Variants in GNAO1 observed in about 807,000 individuals in gnomAD.
GNAO1 encodes guanine nucleotide-binding protein G(o) subunit alpha.
For synonymous variants in GNAO1, 164 were observed against 180.7 expected (o/e 0.91, Z 0.74); for missense variants, 166 against 478.7 (o/e 0.35, Z 6.10).
chr16:56,192,360 ACC>A lies in GNAO1; in HGVS notation c.118+8_118+9del. The A allele has an allele frequency of 6.6e-7, 1 of 1,514,914 alleles. No individual in the cohort carries two copies. The highest frequency in any genetic ancestry group is 9.2e-7 in the Non-Finnish European group (1 of 1,091,948). 93.8% of individuals were successfully genotyped at this position (1,514,914 alleles called of 1,614,324 possible). A position where few individuals can be genotyped will look rare whatever the true frequency, so the allele number is the denominator to read the frequency against. ...GTGAAATTACTCCTGCTCGGTAAGG[ACC>A]GCCGCTGCTACCCCCATCCCCCGAC... is the stretch of plus-strand genomic sequence containing the variant. On this transcript the variant is annotated splice_region_variant and intron_variant, in intron 1 of 8. Coordinates refer to ENST00000262493, the MANE Select transcript of GNAO1 (RefSeq NM_020988.3).
At chr16:56,194,398 G>C (rs544301330) in intron 2 of GNAO1, 49 of 398,388 alleles carry the variant, frequency 1.2e-4, no homozygotes, top group African/African-American at 9.3e-4. Context: ...TAAAACTTCA[G>C]AAGTCTGTAA....
intron 2 of GNAO1, among the ~76,000 whole-genome samples, chr16:56,227,663 G>A (rs1314692457): frequency 2.3e-5 from 3 of 128,574 alleles, no homozygotes; most frequent in Non-Finnish European, 3.1e-5. Flanking sequence ...GCTCTAGCCT[G>A]AGTGACAGAG....
At chr16:56,347,622 G>A in intron 6 of GNAO1, 1 of 962,602 alleles carries the variant, frequency 1.0e-6, no homozygotes, top group Non-Finnish European at 1.2e-6. Context: ...CCATGAGAGA[G>A]GGGCTCCCCC....
chr16:56,232,518 G>A (rs1193368017), intron 2 of GNAO1, among the ~76,000 whole-genome samples: 1 of 152,200 alleles, frequency 6.6e-6, no homozygotes, highest in Non-Finnish European at 1.5e-5. Context: ...TAAAGCCTCT[G>A]AGAAGTTCTA....
intron 2 of GNAO1, among the ~76,000 whole-genome samples, chr16:56,258,064 G>A (rs1332607218): frequency 6.6e-6 from 1 of 152,266 alleles, no homozygotes; most frequent in Non-Finnish European, 1.5e-5. Flanking sequence ...AACTACTGCA[G>A]GCCAAACAAA....
chr16:56,320,072 T>G (rs1331929342), intron 3 of GNAO1, among the ~76,000 whole-genome samples: 3 of 152,188 alleles, frequency 2.0e-5, no homozygotes, highest in Non-Finnish European at 4.4e-5. Context: ...AAATCATTGA[T>G]GTGGAAAAGA....
chr16:56,303,751 G>A (rs780701914), intron 3 of GNAO1, among the ~76,000 whole-genome samples: 1 of 152,148 alleles, frequency 6.6e-6, no homozygotes, highest in African/African-American at 2.4e-5. Context: ...GTCCCCGGCA[G>A]TCACTGTATT....
At chr16:56,198,558 G>T (rs1392570590) in intron 2 of GNAO1, among the ~76,000 whole-genome samples, 1 of 152,172 alleles carries the variant, frequency 6.6e-6, no homozygotes, top group Non-Finnish European at 1.5e-5. Context: ...CTAAATATGT[G>T]ACCTTACACA....
chr16:56,221,555 C>G (rs1410624787), intron 2 of GNAO1, among the ~76,000 whole-genome samples: 1 of 149,208 alleles, frequency 6.7e-6, no homozygotes, highest in Non-Finnish European at 1.5e-5. Flanking sequence ...GAGGCTGAGG[C>G]AGGAGAATCG....
intron 3 of GNAO1, among the ~76,000 whole-genome samples, chr16:56,318,709 A>G (rs532989114): frequency 6.8e-4 from 104 of 152,350 alleles, no homozygotes; most frequent in African/African-American, 2.4e-3. Context: ...TATTATAATT[A>G]CTATGATTAT....
chr16:56,273,072 T>A (rs76241494), intron 2 of GNAO1, among the ~76,000 whole-genome samples: 4,471 of 152,324 alleles, frequency 0.029, 129 homozygotes, highest in African/African-American at 0.068. Flanking sequence ...TTATTACACT[T>A]TACTTTCAAA....
At chr16:56,330,335 C>A (rs577197858) in intron 4 of GNAO1, among the ~76,000 whole-genome samples, 2 of 152,184 alleles carry the variant, frequency 1.3e-5, no homozygotes, top group South Asian at 2.1e-4. Flanking sequence ...GCCCTGGAGT[C>A]CAGGGCCTCC....
At position 56,192,132 on chromosome 16, in the gene GNAO1, C is replaced by A. The variant is rs1328415127; in HGVS notation, c.-104C>A. On this transcript the variant is annotated 5_prime_UTR_variant, in exon 1 of 9. Coordinates refer to ENST00000262493, the MANE Select transcript of GNAO1 (RefSeq NM_020988.3). ...GCCCAGGAGAGGATATCGTGATTTTCCCCCCTTGAGCCCAGGCTCTGCTCT... is the reference window on the plus strand; with the variant it reads ...GCCCAGGAGAGGATATCGTGATTTTACCCCCTTGAGCCCAGGCTCTGCTCT... 7 of 656,158 alleles carry A rather than the reference C, an allele frequency of 1.1e-5. No individual in the cohort carries two copies. The highest frequency in any genetic ancestry group is 5.2e-5 in the South Asian group (3 of 57,258). 40.6% of individuals were successfully genotyped at this position (656,158 alleles called of 1,614,324 possible).
chr16:56,194,041 A>C, intron 2 of GNAO1: 1 of 437,590 alleles, frequency 2.3e-6, no homozygotes, highest in Non-Finnish European at 4.7e-6. Context: ...CCAAGATGCA[A>C]AAAATCTTGG....
In GNAO1 at chr16:56,242,635, G is replaced by T. The variant is rs566556277; in HGVS notation, c.162-33296G>T. On this transcript the variant is annotated intron_variant, in intron 2 of 8. Transcript: ENST00000262493. ...TAGCCACAGGGAAAAGAATAAATTTGGATCCTTATCTCACACCATATACAA... is the reference window on the plus strand; with the variant it reads ...TAGCCACAGGGAAAAGAATAAATTTTGATCCTTATCTCACACCATATACAA... Among the ~76,000 whole-genome samples the T allele has an allele frequency of 5.7e-3, 864 of 152,246 alleles. 3 individuals are homozygous for T. The highest frequency in any genetic ancestry group is 0.017 in the Middle Eastern group (5 of 294).
chr16:56,215,897 G>C (rs1175274376), intron 2 of GNAO1, among the ~76,000 whole-genome samples: 1 of 152,180 alleles, frequency 6.6e-6, no homozygotes, highest in African/African-American at 2.4e-5. Context: ...ACAGGTGAGA[G>C]GGAAGTGTAT....
rs955456436 is a variant in GNAO1, at chr16:56,326,930, C to T, written c.304-1701C>T. On this transcript the variant is annotated intron_variant, in intron 3 of 8. Coordinates refer to ENST00000262493, the MANE Select transcript of GNAO1 (RefSeq NM_020988.3). The surrounding 1 kb of genome is among the most constrained non-coding windows in gnomAD (Gnocchi z 4.8). ...TCAGCCGTCCAGGGAGCTCTCGGCA[C>T]AGGTGGGTCTGATCATAGAGGCTGG... Among the ~76,000 whole-genome samples the T allele has an allele frequency of 6.6e-6, 1 of 152,198 alleles. No homozygotes were observed. The highest frequency in any genetic ancestry group is 1.5e-5 in the Non-Finnish European group (1 of 68,026).
chr16:56,267,410 C>A (rs1453952843), intron 2 of GNAO1, among the ~76,000 whole-genome samples: 1 of 152,206 alleles, frequency 6.6e-6, no homozygotes, highest in African/African-American at 2.4e-5. Context: ...CTCTGGCTTC[C>A]GGTCCCACCG....
At chr16:56,253,459 T>A (rs772054377) in intron 2 of GNAO1, among the ~76,000 whole-genome samples, 19 of 152,196 alleles carry the variant, frequency 1.2e-4, no homozygotes, top group Non-Finnish European at 2.2e-4. Flanking sequence ...TGGGCAAGTG[T>A]GATTAATTGT....
Sources: gnomAD v4.1 joint callset for allele counts (sites outside exome capture counted in the v4.1 genomes callset) on GRCh38, gnomAD v4.1.1 for gene constraint, Gnocchi (gnomAD v3.1) non-coding constraint, MANE v1.5 for transcripts, NCBI Gene and HGNC (gene_info 2026-07-23, HGNC 2026-07-21) for gene names.